SPART: variants seen among roughly 807,000 people sequenced by gnomAD.
SPART encodes the protein spartin.
A neutral mutation model predicts 58.7 loss-of-function variants in SPART; 35 were observed. That is an observed-to-expected ratio of 0.60 (90% CI 0.46 to 0.79). The LOEUF is 0.79. Among genes scored for constraint, SPART ranks in the 30% least tolerant of loss-of-function variants. The pLI is 0.00. For missense variants in SPART, 730 were observed against 786.1 expected (o/e 0.93, Z 0.85); for synonymous variants, 284 against 280.7 (o/e 1.01, Z -0.12).
intron 1 of SPART, among the ~76,000 whole-genome samples, chr13:36,359,631 T>G (rs1352161127): frequency 6.6e-6 from 1 of 152,160 alleles, no homozygotes; most frequent in Admixed American, 6.5e-5. Context: ...TAGGATTGTA[T>G]TTGGGATTAA....
At chr13:36,325,542 T>C (rs1882847705) in intron 5 of SPART, among the ~76,000 whole-genome samples, 1 of 152,120 alleles carries the variant, frequency 6.6e-6, no homozygotes. Context: ...CAAGACCCAT[T>C]TAATGGGGTT....
rs953640472 is a variant in SPART at position 36,343,461 on chromosome 13, T to C, written c.-3+2764A>G. On this transcript the variant is annotated intron_variant, in intron 1 of 8. Coordinates refer to ENST00000438666, the MANE Select transcript of SPART (RefSeq NM_015087.5). ...CCACTGAATACAGGTGAAAGAATGA[T>C]GTACCAATATTAAAATGTTAATATC... Among the ~76,000 whole-genome samples, 8 of 152,304 alleles carry C rather than the reference T, an allele frequency of 5.3e-5. No homozygotes were observed. The East Asian group carries it at 1.5e-3, about 29-fold the overall frequency.
intron 1 of SPART, among the ~76,000 whole-genome samples, chr13:36,356,479 CCA>C (rs1337874927): frequency 6.6e-5 from 10 of 152,202 alleles, no homozygotes; most frequent in African/African-American, 2.4e-4. Context: ...ACTTGGGTCT[CCA>C]CAATCCTTTG....
chr13:36,353,523 G>A (rs1243999047), intron 1 of SPART, among the ~76,000 whole-genome samples: 3 of 152,256 alleles, frequency 2.0e-5, no homozygotes, highest in East Asian at 1.9e-4. Context: ...GAGACATCTC[G>A]GTAAAAGGGT....
intron 1 of SPART, among the ~76,000 whole-genome samples, chr13:36,336,604 A>C (rs1884032506): frequency 3.3e-5 from 5 of 152,210 alleles, no homozygotes; most frequent in Admixed American, 3.3e-4. Context: ...GAAAGCTGAA[A>C]AATGATACAA....
At chr13:36,352,247 C>T (rs750341410) in intron 1 of SPART, among the ~76,000 whole-genome samples, 3 of 152,142 alleles carry the variant, frequency 2.0e-5, no homozygotes, top group Non-Finnish European at 4.4e-5. Flanking sequence ...TATAACTTTC[C>T]TCTTACAGAC....
intron 5 of SPART, among the ~76,000 whole-genome samples, chr13:36,323,682 C>T (rs1288735709): frequency 6.6e-6 from 1 of 152,056 alleles, no homozygotes; most frequent in Non-Finnish European, 1.5e-5. Flanking sequence ...TAATTTTCTG[C>T]CCCCCTTTGT....
rs1225309487 is a variant in SPART, at chr13:36,302,312, G to A, written c.*2053C>T. On this transcript the variant is annotated 3_prime_UTR_variant, in exon 9 of 9. Coordinates refer to ENST00000438666, the MANE Select transcript of SPART (RefSeq NM_015087.5). ...ATCTCCTAATGAGTCAGTGAATGGT[G>A]GGAAAAGTCCATTTTCTATAGACTA... The A allele has an allele frequency of 3.9e-5, 6 of 152,090 alleles. No individual in the cohort carries two copies. Among genetic ancestry groups the A allele is most frequent in the Non-Finnish European group, 7.4e-5 (5 of 68,002 alleles). The allele number at this position is 152,090 out of a possible 1,614,324, so 9.4% of individuals were successfully genotyped here.
intron 8 of SPART, among the ~76,000 whole-genome samples, chr13:36,305,601 G>C (rs1179332857): frequency 6.6e-6 from 1 of 151,782 alleles, no homozygotes; most frequent in African/African-American, 2.4e-5. Flanking sequence ...CAAGTGCTTG[G>C]GAAATTATAA....
At chr13:36,363,882 A>T (rs1211472360) in intron 1 of SPART, among the ~76,000 whole-genome samples, 1 of 152,116 alleles carries the variant, frequency 6.6e-6, no homozygotes, top group East Asian at 1.9e-4. Context: ...CAAAGATAAC[A>T]CCTTACATAA....
intron 2 of SPART, among the ~76,000 whole-genome samples, chr13:36,333,383 G>A (rs779541381): frequency 6.6e-5 from 10 of 150,602 alleles, no homozygotes; most frequent in Non-Finnish European, 7.4e-5. Context: ...GTGATTTTTA[G>A]CACAGGAAAT....
At chr13:36,351,293 A>C (rs1278537538), upstream of SPART, among the ~76,000 whole-genome samples, 1 of 146,344 alleles carries the variant, frequency 6.8e-6, no homozygotes, top group African/African-American at 2.5e-5. Flanking sequence ...AACAAACAAG[A>C]CCTCATCTCT....
intron 8 of SPART, among the ~76,000 whole-genome samples, chr13:36,305,414 T>C (rs1010395068): frequency 6.6e-6 from 1 of 152,196 alleles, no homozygotes; most frequent in African/African-American, 2.4e-5. Context: ...ACTGTTCATG[T>C]CTTGCTTCTC....
chr13:36,344,420 G>T (rs1040949862), intron 1 of SPART, among the ~76,000 whole-genome samples: 6 of 151,980 alleles, frequency 3.9e-5, no homozygotes, highest in African/African-American at 1.5e-4. Flanking sequence ...AATTCCACAG[G>T]ATTGCTTAAT....
intron 1 of SPART, chr13:36,368,109 C>T: frequency 2.4e-6 from 1 of 421,342 alleles, no homozygotes; most frequent in Non-Finnish European, 4.8e-6. Flanking sequence ...AGGCTTATCA[C>T]TTTTCTTTCA....
Position 36,335,070 on chromosome 13 carries a change from A to G in SPART, c.761T>C (p.Leu254Ser), listed in dbSNP as rs1383674121. ...YPGYLRIVRF[L>S]DNSLDTVLNR... ...TAGAACCGTATCGAGAGAATTATCCAAAAACCTCACAATTCGAAGGTACCC... is the reference window on the plus strand; with the variant it reads ...TAGAACCGTATCGAGAGAATTATCCGAAAACCTCACAATTCGAAGGTACCC... The change falls in exon 2 of 9, where the codon TTG (leucine) becomes TCG (serine). Residue 254 changes from leucine to serine, a missense_variant. Physicochemically the swap from Leu to Ser is moderately radical, Grantham distance 145. Coordinates refer to ENST00000438666, the MANE Select transcript of SPART (RefSeq NM_015087.5). The G allele has an allele frequency of 1.3e-5, 21 of 1,614,032 alleles. No individual in the cohort carries two copies. Among genetic ancestry groups the G allele is most frequent in the Non-Finnish European group, 1.6e-5 (19 of 1,180,006 alleles).
chr13:36,334,982 A>G, intron 2 of SPART, 39 bp downstream of exon 2: 1 of 1,496,838 alleles, frequency 6.7e-7, no homozygotes, highest in African/African-American at 1.4e-5. Flanking sequence ...TGTAGTCTAC[A>G]CGTATTTCAA....
chr13:36,323,334 A>T (rs1197323848), intron 5 of SPART, among the ~76,000 whole-genome samples: 1 of 152,028 alleles, frequency 6.6e-6, no homozygotes, highest in Non-Finnish European at 1.5e-5. Context: ...ATTGTCAGCA[A>T]CCCTCTACCT....
intron 1 of SPART, among the ~76,000 whole-genome samples, chr13:36,352,512 A>G (rs1473344504): frequency 3.3e-5 from 5 of 152,224 alleles, no homozygotes; most frequent in Admixed American, 2.6e-4. Context: ...AGCCACCTAG[A>G]TTCAAGATGA....
Sources: gnomAD v4.1 joint callset for allele counts (sites outside exome capture counted in the v4.1 genomes callset) on GRCh38, gnomAD v4.1.1 for gene constraint, MANE v1.5 for transcripts, NCBI Gene and HGNC (gene_info 2026-07-23, HGNC 2026-07-21) for gene names.